MAEA: variants seen among roughly 807,000 people sequenced by gnomAD.
The protein encoded by MAEA is macrophage erythroblast attacher, E3 ubiquitin ligase, also known as E3 ubiquitin-protein transferase MAEA.
In MAEA, 22 loss-of-function variants were observed where a neutral mutation model predicts 46.2. That is an observed-to-expected ratio of 0.48 (90% CI 0.34 to 0.68). MAEA has a LOEUF of 0.68. MAEA is among the 30% of genes least tolerant of loss of function. The pLI is 0.01. For missense variants in MAEA, 393 were observed against 558.1 expected, an observed-to-expected ratio of 0.70 and a Z score of 2.98; for synonymous variants, 246 against 222.6, an observed-to-expected ratio of 1.11 and a Z score of -0.94.
intron 1 of MAEA, among the ~76,000 whole-genome samples, chr4:1,308,685 C>T (rs1239276917): frequency 1.3e-5 from 2 of 152,246 alleles, no homozygotes; most frequent in African/African-American, 4.8e-5. Context: ...AGCATCTTGT[C>T]ATGTGCCGCT....
chr4:1,332,929 C>A, intron 6 of MAEA, 64 bp downstream of exon 6: 1 of 1,263,852 alleles, frequency 7.9e-7, no homozygotes, highest in South Asian at 1.3e-5. Flanking sequence ...TGTCTCTGGT[C>A]TGTAGCTGCT....
At chr4:1,309,804 G>C (rs1736252476) in intron 1 of MAEA, 2 of 1,400,806 alleles carry the variant, frequency 1.4e-6, no homozygotes, top group South Asian at 3.0e-5. Context: ...GGGAGCAAAG[G>C]GTTCCTGTCT....
intron 5 of MAEA, chr4:1,329,975 T>C: frequency 4.1e-6 from 4 of 985,348 alleles, no homozygotes; most frequent in Non-Finnish European, 4.8e-6. Flanking sequence ...GCCAGCAGCC[T>C]AGCCTCTGGG....
chr4:1,323,374 C>T, intron 4 of MAEA: 1 of 654,124 alleles, frequency 1.5e-6, no homozygotes, highest in Non-Finnish European at 2.8e-6. Flanking sequence ...TATGTTAACA[C>T]TTCTGCCTCC....
At chr4:1,294,560 G>A (rs1435948870) in intron 1 of MAEA, among the ~76,000 whole-genome samples, 1 of 152,000 alleles carries the variant, frequency 6.6e-6, no homozygotes, top group Non-Finnish European at 1.5e-5. Flanking sequence ...GAGCAGGGCT[G>A]CAGGTGCACT....
At chr4:1,295,801 AGCG>A (rs1734616229) in intron 1 of MAEA, among the ~76,000 whole-genome samples, 4 of 7,912 alleles carry the variant, frequency 5.1e-4, no homozygotes, top group African/African-American at 7.7e-4. Context: ...CCCCCTCCCC[AGCG>A]CCTGTGCCCC....
intron 4 of MAEA, 114 bp from the exon 5 acceptor site, chr4:1,327,513 A>AG (rs1739000173): frequency 1.3e-6 from 1 of 771,630 alleles, no homozygotes; most frequent in Non-Finnish European, 2.3e-6. Flanking sequence ...CCTGTGAGAG[A>AG]GGGGTTCAGA....
At chr4:1,317,383 ACACTCCGGACTCACCCG>A (rs1737424631) in intron 3 of MAEA, among the ~76,000 whole-genome samples, 1 of 144,130 alleles carries the variant, frequency 6.9e-6, no homozygotes, top group African/African-American at 2.7e-5. Flanking sequence ...TGCAGGCCCC[ACACTCCGGACTCACCCG>A]CAGACCCACC....
chr4:1,313,189 G>C (rs757908686), intron 2 of MAEA, among the ~76,000 whole-genome samples: 3 of 152,260 alleles, frequency 2.0e-5, no homozygotes, highest in Non-Finnish European at 4.4e-5. Flanking sequence ...CCGGCTGGTG[G>C]TGCCTTCCAG....
intron 8 of MAEA, chr4:1,338,859 G>A (rs1240587970): frequency 1.4e-5 from 9 of 645,874 alleles, no homozygotes; most frequent in African/African-American, 1.1e-4. Flanking sequence ...CTGTCCTCTC[G>A]CCCCACCCTG....
At chr4:1,322,619 G>T in intron 4 of MAEA, 116 bp downstream of exon 4, 1 of 1,401,748 alleles carries the variant, frequency 7.1e-7, no homozygotes. Context: ...TGGTTTGTAA[G>T]GTGGGGGTTG....
intron 3 of MAEA, among the ~76,000 whole-genome samples, chr4:1,318,218 C>A (rs541493543): frequency 1.3e-5 from 2 of 152,226 alleles, no homozygotes; most frequent in Non-Finnish European, 2.9e-5. Flanking sequence ...TCCTAAACGC[C>A]CAGCACACTG....
intron 1 of MAEA, chr4:1,309,882 G>A (rs2108900143): frequency 2.3e-6 from 3 of 1,308,616 alleles, no homozygotes; most frequent in East Asian, 2.9e-5. Context: ...TGAGGCGGAC[G>A]GCCCGGCAGG....
intron 4 of MAEA, 133 bp downstream of exon 4, chr4:1,322,636 G>T: frequency 1.6e-6 from 2 of 1,245,556 alleles, no homozygotes; most frequent in Non-Finnish European, 2.2e-6. Context: ...GTTGGGTTTG[G>T]GAGTTTTTTT....
In MAEA at chr4:1,322,544, C is replaced by T. The variant is rs137891665; in HGVS notation, c.579+41C>T. 1.2e-4 allele frequency: 195 copies of T among 1,605,804 alleles called. No individual in the cohort carries two copies. In the African/African-American group the frequency reaches 1.8e-3, roughly 15 times the overall value. ...GGTTGGGGTGGGAGTGGGTCGGGGCCGAGGCTGCGCCACCTGCCCTGGAGC... is the reference window on the plus strand; with the variant it reads ...GGTTGGGGTGGGAGTGGGTCGGGGCTGAGGCTGCGCCACCTGCCCTGGAGC... On this transcript the variant is annotated intron_variant, in intron 4 of 8. Coordinates refer to ENST00000303400, the MANE Select transcript of MAEA (RefSeq NM_001017405.3).
In MAEA at chr4:1,319,636, C is replaced by T. The variant is rs556422904; in HGVS notation, c.457-2745C>T. On this transcript the variant is annotated intron_variant, in intron 3 of 8. Coordinates refer to ENST00000303400, the MANE Select transcript of MAEA (RefSeq NM_001017405.3). ...CTACAAAACAAGGCCTTTGGGAGAC[C>T]AGGGTGGGAGCATCACTTGAGCCCA... Among the ~76,000 whole-genome samples, 36 of 20,084 alleles carry T rather than the reference C, an allele frequency of 1.8e-3. No homozygotes were observed. In the African/African-American group the frequency reaches 0.052, roughly 29 times the overall value. 13.2% of individuals were successfully genotyped at this position (20,084 alleles called of 152,430 possible).
intron 8 of MAEA, chr4:1,338,831 G>T: frequency 3.1e-6 from 2 of 650,162 alleles, no homozygotes; most frequent in East Asian, 2.7e-5. Flanking sequence ...GCTGGCACAC[G>T]TCGCCATTGG....
At chr4:1,318,102 G>A (rs776218112) in intron 3 of MAEA, among the ~76,000 whole-genome samples, 7 of 141,172 alleles carry the variant, frequency 5.0e-5, no homozygotes, top group South Asian at 2.6e-4. Flanking sequence ...CCCTGGCCCC[G>A]TGTGCCCGGC....
chr4:1,318,174 C>T (rs1737548319), intron 3 of MAEA, among the ~76,000 whole-genome samples: 1 of 152,318 alleles, frequency 6.6e-6, no homozygotes, highest in South Asian at 2.1e-4. Context: ...CTGGGGCGGC[C>T]CCCCGTGTGT....
Sources: allele counts gnomAD v4.1 joint callset (sites outside exome capture counted in the v4.1 genomes callset), GRCh38; gene constraint gnomAD v4.1.1; transcripts MANE v1.5; gene names NCBI Gene and HGNC (gene_info 2026-07-23, HGNC 2026-07-21).